KIF14: variants seen among roughly 807,000 people sequenced by gnomAD.
KIF14 encodes kinesin family member 14.
Under a neutral mutation model 176.2 loss-of-function variants are expected in KIF14, and 98 were observed. That is an observed-to-expected ratio of 0.56 (90% CI 0.47 to 0.66). The LOEUF (loss-of-function observed/expected upper bound fraction) is 0.66, where lower values mean the gene tolerates loss of function less well. Among genes scored for constraint, KIF14 ranks in the 30% least tolerant of loss-of-function variants. The pLI, the probability that KIF14 is intolerant of heterozygous loss-of-function variation, is 0.00. For synonymous variants in KIF14, 566 were observed against 632.2 expected (o/e 0.90, Z 1.57); for missense variants, 1,751 against 1,920.4 (o/e 0.91, Z 1.65).
At chr1:200,606,427 G>C (rs1659882681) in intron 6 of KIF14, among the ~76,000 whole-genome samples, 1 of 152,158 alleles carries the variant, frequency 6.6e-6, no homozygotes, top group Admixed American at 6.5e-5. Context: ...TGAGAGGGAA[G>C]ATTAAATTAA....
chr1:200,605,199 C>T lies in KIF14; in HGVS notation c.1746+84G>A, dbSNP rs138739979. On this transcript the variant is annotated intron_variant, in intron 8 of 29. Transcript: ENST00000367350. ...CACCAGGGTGAAAACTGAATGAGATCGGGAACTTTTTAAAAAAATACCTTG... is the reference window on the plus strand; with the variant it reads ...CACCAGGGTGAAAACTGAATGAGATTGGGAACTTTTTAAAAAAATACCTTG... The T allele has an allele frequency of 4.5e-4, 594 of 1,311,968 alleles. 7 individuals are homozygous for T. In the African/African-American group the frequency reaches 7.4e-3, roughly 16 times the overall value. 81.3% of individuals were successfully genotyped at this position (1,311,968 alleles called of 1,614,324 possible).
chr1:200,593,817 A>T (rs765362574), intron 14 of KIF14, 48 bp from the exon 15 acceptor site: 2 of 1,112,036 alleles, frequency 1.8e-6, no homozygotes, highest in South Asian at 2.5e-5. Context: ...ACACACTAAA[A>T]AGTAAGAAAA....
rs1325012835 is a variant in KIF14, at chr1:200,552,540, AAC to A, written c.*846_*847del. 1 of 152,148 alleles carries A rather than the reference AAC, an allele frequency of 6.6e-6. No homozygotes were observed. The highest frequency in any genetic ancestry group is 2.4e-5 in the African/African-American group (1 of 41,454). 9.4% of individuals were successfully genotyped at this position (152,148 alleles called of 1,614,324 possible). On this transcript the variant is annotated 3_prime_UTR_variant, in exon 30 of 30. Transcript: ENST00000367350. ...AATATTCATACAGCCCCCATTATGA[AAC>A]ACAGATAACAGGGTAAACTACTGTG...
chr1:200,605,406 GA>G lies in KIF14; in HGVS notation c.1639-17del. On this transcript the variant is annotated splice_polypyrimidine_tract_variant and intron_variant, in intron 7 of 29. Transcript: ENST00000367350. ...CTAGCCAACTCTTATAAGAAAAAAG[GA>G]AGGAAGATCAGATCAGCAGACTGTA... The G allele has an allele frequency of 6.4e-7, 1 of 1,574,650 alleles. No homozygotes were observed. Among genetic ancestry groups the G allele is most frequent in the South Asian group, 1.1e-5 (1 of 89,830 alleles).
chr1:200,579,799 T>C (rs1658345228), intron 21 of KIF14, among the ~76,000 whole-genome samples: 1 of 152,196 alleles, frequency 6.6e-6, no homozygotes, highest in Non-Finnish European at 1.5e-5. Flanking sequence ...GATTTTTCAG[T>C]TGTGACTATA....
chr1:200,596,782 G>A (rs1352172426), intron 14 of KIF14, among the ~76,000 whole-genome samples: 1 of 148,990 alleles, frequency 6.7e-6, no homozygotes, highest in Non-Finnish European at 1.5e-5. Flanking sequence ...CCAGGCTGAT[G>A]TTGAACTCCT....
rs115248916 is a variant in KIF14, at chr1:200,569,264, G to T, written c.3661+647C>A. On this transcript the variant is annotated intron_variant, in intron 23 of 29. Coordinates refer to ENST00000367350, the MANE Select transcript of KIF14 (RefSeq NM_014875.3). ...TCTTAAATTGTAATTATTACAGGTA[G>T]TTACACATATAAAATTTACAGTGTA... Among the ~76,000 whole-genome samples, 630 of 152,152 alleles carry T rather than the reference G, an allele frequency of 4.1e-3. 2 individuals carry two copies. Among genetic ancestry groups the T allele is most frequent in the Non-Finnish European group, 6.0e-3 (406 of 68,014 alleles).
chr1:200,619,572 C>A (rs1418384852), intron 1 of KIF14, among the ~76,000 whole-genome samples: 1 of 152,190 alleles, frequency 6.6e-6, no homozygotes, highest in East Asian at 1.9e-4. Flanking sequence ...AGGATGGTCT[C>A]GATATCTTGA....
At position 200,565,501 on chromosome 1, in the gene KIF14, C is replaced by T. The variant is rs537998091; in HGVS notation, c.3830G>A (p.Gly1277Glu). Residue 1277 changes from glycine (G) to glutamate (E), a missense_variant, in exon 24 of 30, where the codon GGG (glycine) becomes GAG (glutamate). Transcript: ENST00000367350. ...ATGAGCCTTGGAAATGGCAAATAGC[C>T]CATTATAAATTTTAAGAAAACTATT... Reference protein sequence around the residue: ...LINSFLKIYNGLFAISKAHEE... With the variant: ...LINSFLKIYNELFAISKAHEE... 15 of 1,610,380 alleles carry T rather than the reference C, an allele frequency of 9.3e-6. No homozygotes were observed. The African/African-American group carries it at 1.9e-4, about 20-fold the overall frequency.
At chr1:200,576,453 G>C (rs1658115514) in intron 21 of KIF14, among the ~76,000 whole-genome samples, 1 of 147,576 alleles carries the variant, frequency 6.8e-6, no homozygotes, top group South Asian at 2.2e-4. Flanking sequence ...ACTCCAGCCT[G>C]GGCGACAGAG....
intron 27 of KIF14, among the ~76,000 whole-genome samples, chr1:200,557,492 C>T (rs562447041): frequency 6.6e-6 from 1 of 152,102 alleles, no homozygotes; most frequent in Non-Finnish European, 1.5e-5. Context: ...GTATGATCAT[C>T]CTCATTTAAA....
intron 24 of KIF14, 73 bp downstream of exon 24, chr1:200,565,372 T>G (rs1657389691): frequency 7.0e-7 from 1 of 1,425,172 alleles, no homozygotes; most frequent in Admixed American, 2.2e-5. Context: ...TGCCAAATAA[T>G]CACTCAAAAC....
At chr1:200,568,133 G>A (rs995586358) in intron 23 of KIF14, among the ~76,000 whole-genome samples, 4 of 152,094 alleles carry the variant, frequency 2.6e-5, no homozygotes, top group Non-Finnish European at 5.9e-5. Flanking sequence ...TCACCCCCAG[G>A]CCTGGTCCCC....
Position 200,553,646 on chromosome 1 carries a change from T to C in KIF14, c.4689A>G (p.Val1563=). ...CTAGTTCCTGGTGGACAATGTGAGT[T>C]ACTCTACTCTCATAGCTGCCAACAG... The part of the protein sequence containing the change: ...STSVGSYESR[V]THIVHQELES... The change falls in exon 30 of 30, where the codon GTA becomes GTG. Residue 1563 remains valine (V), a synonymous_variant. Coordinates refer to ENST00000367350, the MANE Select transcript of KIF14 (RefSeq NM_014875.3). 1 of 1,614,070 alleles carries C rather than the reference T, an allele frequency of 6.2e-7. No homozygotes were observed. The highest frequency in any genetic ancestry group is 8.5e-7 in the Non-Finnish European group (1 of 1,179,996).
At chr1:200,584,102 C>A (rs1361825097) in intron 19 of KIF14, among the ~76,000 whole-genome samples, 1 of 151,452 alleles carries the variant, frequency 6.6e-6, no homozygotes, top group African/African-American at 2.4e-5. Context: ...ACTGTACTCC[C>A]AGCTACTTGG....
rs1341726924 is a variant in KIF14 at position 200,565,126 on chromosome 1, C to T, written c.4014G>A (p.Glu1338=). ...LLPCTNIARL[E]DELRQEVKKL... ...TTTTAACTTCTTGTCTCAACTCATC[C>T]TCAAGTCTTGCTATGTTGGTACAAG... Residue 1338 remains glutamate, a synonymous_variant, in exon 25 of 30, where the codon GAG becomes GAA. Coordinates refer to ENST00000367350, the MANE Select transcript of KIF14 (RefSeq NM_014875.3). 3 of 1,613,730 alleles carry T rather than the reference C, an allele frequency of 1.9e-6. No homozygotes were observed. The highest frequency in any genetic ancestry group is 1.7e-5 in the Admixed American group (1 of 59,910).
chr1:200,553,831 T>G (rs924973792), intron 29 of KIF14, 64 bp from the exon 30 acceptor site: 1 of 1,433,868 alleles, frequency 7.0e-7, no homozygotes, highest in Non-Finnish European at 9.4e-7. Context: ...TATTTATGAC[T>G]TTTATAGACT....
At position 200,618,845 on chromosome 1, in the gene KIF14, G is replaced by GAAA. The variant is rs201792546; in HGVS notation, c.-115-10_-115-8dup. 1 of 649,056 alleles carries GAAA rather than the reference G, an allele frequency of 1.5e-6. No individual in the cohort carries two copies. Among genetic ancestry groups the GAAA allele is most frequent in the Non-Finnish European group, 2.4e-6 (1 of 414,670 alleles). 40.2% of individuals were successfully genotyped at this position (649,056 alleles called of 1,614,324 possible). A position where few individuals can be genotyped will look rare whatever the true frequency, so the allele number is the denominator to read the frequency against. On this transcript the variant is annotated splice_polypyrimidine_tract_variant and splice_region_variant and intron_variant, in intron 1 of 29. Coordinates refer to ENST00000367350, the MANE Select transcript of KIF14 (RefSeq NM_014875.3). ...TCTGAAAGTATCTGCTAAACTAAAA[G>GAAA]AAAAAAAAAAGATTTAGATCACACA... is the stretch of plus-strand genomic sequence containing the variant.
chr1:200,619,012 C>G (rs1301890882), intron 1 of KIF14, among the ~76,000 whole-genome samples, 174 bp from the exon 2 acceptor site: 1 of 152,218 alleles, frequency 6.6e-6, no homozygotes, highest in Non-Finnish European at 1.5e-5. Flanking sequence ...AGAGAACTTA[C>G]CATCATTATT....
Sources: gnomAD v4.1 joint callset for allele counts (sites outside exome capture counted in the v4.1 genomes callset) on GRCh38, gnomAD v4.1.1 for gene constraint, MANE v1.5 for transcripts, NCBI Gene and HGNC (gene_info 2026-07-23, HGNC 2026-07-21) for gene names.